The following FNTB variants were observed in gnomAD, a reference collection of about 807,000 sequenced individuals.
FNTB encodes farnesyltransferase, CAAX box, subunit beta, also known as protein farnesyltransferase subunit beta.
A neutral mutation model predicts 59.4 loss-of-function variants in FNTB; 27 were observed. The ratio of observed to expected loss-of-function variants is 0.45; its 90% CI spans 0.34 to 0.63. FNTB has a LOEUF of 0.63. Ranked by LOEUF, FNTB falls within the 20% of genes least tolerant of loss-of-function variation. The pLI is 0.02. For missense variants in FNTB, 449 were observed against 559.6 expected, an observed-to-expected ratio of 0.80 and a Z score of 1.99; for synonymous variants, 230 against 220.7, an observed-to-expected ratio of 1.04 and a Z score of -0.37.
In FNTB at chr14:65,023,241, T is replaced by A. The variant is rs1388502970; in HGVS notation, c.375-4212T>A. 6.6e-6 allele frequency among the ~76,000 whole-genome samples: 1 copy of A among 152,118 alleles called. No homozygotes were observed. The highest frequency in any genetic ancestry group is 1.5e-5 in the Non-Finnish European group (1 of 68,024). On this transcript the variant is annotated intron_variant, in intron 4 of 11. Transcript: ENST00000246166. The surrounding 1 kb of genome is among the most constrained non-coding windows in gnomAD (Gnocchi z 4.1). Reference sequence around the variant, plus strand: ...GCCTGGTTAATTTTTATAATTCTTGTAGAGATGGGGTTTTGCCATGTTGCC... The same window carrying A: ...GCCTGGTTAATTTTTATAATTCTTGAAGAGATGGGGTTTTGCCATGTTGCC...
At chr14:65,021,636 G>A (rs1382162301) in intron 4 of FNTB, among the ~76,000 whole-genome samples, 1 of 152,088 alleles carries the variant, frequency 6.6e-6, no homozygotes, top group African/African-American at 2.4e-5. Context: ...GAGAAACTCT[G>A]CTCTAAAGTA....
intron 9 of FNTB, among the ~76,000 whole-genome samples, chr14:65,050,824 C>T (rs78214297): frequency 0.05 from 7,601 of 152,222 alleles, 640 homozygotes; most frequent in African/African-American, 0.17. Context: ...TCCCTTTAAC[C>T]GAATAATTCC....
Position 65,037,403 on chromosome 14 carries a change from C to CTTTTTTT in FNTB, c.693-3350_693-3344dup, listed in dbSNP as rs1555335876. Among the ~76,000 whole-genome samples the CTTTTTTT allele has an allele frequency of 1.9e-3, 56 of 29,672 alleles. 8 individuals are homozygous for CTTTTTTT. The highest frequency in any genetic ancestry group is 5.1e-3 in the Admixed American group (12 of 2,372). The allele number at this position is 29,672 out of a possible 152,430, so 19.5% of individuals were successfully genotyped here. A position where few individuals can be genotyped will look rare whatever the true frequency, so the allele number is the denominator to read the frequency against. The stretch of plus-strand genomic sequence containing the variant: ...TAGGCGTGAGCCACCACGCCGGGCC[C>CTTTTTTT]TTTTTTTTTTTTTTTTTTTTTTTTT... On this transcript the variant is annotated intron_variant, in intron 7 of 11. Coordinates refer to ENST00000246166, the MANE Select transcript of FNTB (RefSeq NM_002028.4).
At chr14:64,988,988 G>C (rs762480964) in intron 1 of FNTB, among the ~76,000 whole-genome samples, 1 of 151,968 alleles carries the variant, frequency 6.6e-6, no homozygotes, top group Non-Finnish European at 1.5e-5. Flanking sequence ...CACTTTTTAT[G>C]GATGAGAAGA....
Position 65,027,307 on chromosome 14 carries a change from G to T in FNTB, c.375-146G>T. 1.6e-6 allele frequency: 2 copies of T among 1,280,898 alleles called. No homozygotes were observed. Among genetic ancestry groups the T allele is most frequent in the South Asian group, 1.4e-5 (1 of 71,556 alleles). 79.3% of individuals were successfully genotyped at this position (1,280,898 alleles called of 1,614,324 possible). The stretch of plus-strand genomic sequence containing the variant: ...AGAGAATTAAGCCCTTTGGGGAGAG[G>T]TTATATTCAACAAGTGGGAGGAGAG... On this transcript the variant is annotated intron_variant, in intron 4 of 11. Coordinates refer to ENST00000246166, the MANE Select transcript of FNTB (RefSeq NM_002028.4). This position sits in a 1 kb window ranked among gnomAD's most constrained non-coding sequence, Gnocchi z 5.7.
rs976546802 is a variant in FNTB at position 65,014,422 on chromosome 14, G to A, written c.283-1203G>A. Reference sequence around the variant, plus strand: ...AGCATTTCTCCAGGTATATGTACACGTGTTGGTTCCAGAAAGACATGAGGT... The same window carrying A: ...AGCATTTCTCCAGGTATATGTACACATGTTGGTTCCAGAAAGACATGAGGT... On this transcript the variant is annotated intron_variant, in intron 3 of 11. Transcript: ENST00000246166. The surrounding 1 kb of genome is among the most constrained non-coding windows in gnomAD (Gnocchi z 5.1). Among the ~76,000 whole-genome samples the A allele has an allele frequency of 2.6e-5, 4 of 152,082 alleles. No individual in the cohort carries two copies. Among genetic ancestry groups the A allele is most frequent in the African/African-American group, 7.2e-5 (3 of 41,406 alleles).
intron 1 of FNTB, among the ~76,000 whole-genome samples, chr14:64,999,953 G>A (rs181608313): frequency 1.1e-4 from 17 of 152,262 alleles, no homozygotes; most frequent in African/African-American, 3.9e-4. Context: ...CCATGTTTTT[G>A]TCAGGTGTCT....
Position 65,054,455 on chromosome 14 carries a change from G to C in FNTB, c.1068-120G>C. 9.8e-7 allele frequency: 1 copy of C among 1,016,838 alleles called. No homozygotes were observed. The allele number at this position is 1,016,838 out of a possible 1,614,324, so 63.0% of individuals were successfully genotyped here. On this transcript the variant is annotated intron_variant, in intron 10 of 11. Coordinates refer to ENST00000246166, the MANE Select transcript of FNTB (RefSeq NM_002028.4). The surrounding 1 kb of genome is among the most constrained non-coding windows in gnomAD (Gnocchi z 4.4). ...TGCTGGGAAAACCATGCCTCCTCTA[G>C]CCACATGGAGGATGGGGGGGGACGT...
chr14:65,042,967 C>G (rs2062385331), intron 8 of FNTB, among the ~76,000 whole-genome samples: 1 of 152,198 alleles, frequency 6.6e-6, no homozygotes, highest in Admixed American at 6.5e-5. Context: ...CTGTGACTCT[C>G]TATGGGCAGG....
Position 65,031,979 on chromosome 14 carries a change from C to CGTGTGTGTGTGTGTGTGTGTGTGTGT in FNTB, c.606-616_606-591dup, listed in dbSNP as rs563468928. Among the ~76,000 whole-genome samples the CGTGTGTGTGTGTGTGTGTGTGTGTGT allele has an allele frequency of 4.9e-4, 69 of 141,286 alleles. No homozygotes were observed. Among genetic ancestry groups the CGTGTGTGTGTGTGTGTGTGTGTGTGT allele is most frequent in the African/African-American group, 1.7e-3 (63 of 37,888 alleles). 92.7% of individuals were successfully genotyped at this position (141,286 alleles called of 152,430 possible). On this transcript the variant is annotated intron_variant, in intron 6 of 11. Transcript: ENST00000246166. This position sits in a 1 kb window ranked among gnomAD's most constrained non-coding sequence, Gnocchi z 4.6. ...ATAGACGTGCGCCTTTTTCATTTAA[C>CGTGTGTGTGTGTGTGTGTGTGTGTGT]GTGTGTGTGTGTGTGTGTGTGTGTG...
chr14:65,004,278 C>T lies in FNTB; in HGVS notation c.174C>T (p.Val58=). The T allele has an allele frequency of 3.1e-6, 5 of 1,613,352 alleles. No homozygotes were observed. The South Asian group carries it at 4.4e-5, about 14-fold the overall frequency. The change falls in exon 2 of 12, where the codon GTC becomes GTT. Residue 58 remains valine, a synonymous_variant. Coordinates refer to ENST00000246166, the MANE Select transcript of FNTB (RefSeq NM_002028.4). The part of the protein sequence containing the change: ...QAKVEEKIQE[V]FSSYKFNHLV... Reference sequence around the variant, plus strand: ...AAGTAGAAGAAAAGATCCAAGAGGTCTTCAGTTCTTACAAGTTCAACCACC... The same window carrying T: ...AAGTAGAAGAAAAGATCCAAGAGGTTTTCAGTTCTTACAAGTTCAACCACC...
intron 2 of FNTB, among the ~76,000 whole-genome samples, chr14:65,005,499 T>TTCTTTC (rs2061570606): frequency 7.6e-6 from 1 of 130,926 alleles, no homozygotes; most frequent in East Asian, 3.2e-4. Flanking sequence ...CTTTCTTTCT[T>TTCTTTC]TCTTTCTTTC....
chr14:65,054,533 C>T lies in FNTB; in HGVS notation c.1068-42C>T, dbSNP rs552903310. ...GTGTGGCTACATTTGTAGATGTGTGCGGAGCAGAGGAGCGCCTGCTCAGAG... is the reference window on the plus strand; with the variant it reads ...GTGTGGCTACATTTGTAGATGTGTGTGGAGCAGAGGAGCGCCTGCTCAGAG... On this transcript the variant is annotated intron_variant, in intron 10 of 11. Coordinates refer to ENST00000246166, the MANE Select transcript of FNTB (RefSeq NM_002028.4). The surrounding 1 kb of genome is among the most constrained non-coding windows in gnomAD (Gnocchi z 4.4). 1.2e-5 allele frequency: 19 copies of T among 1,578,008 alleles called. No individual in the cohort carries two copies. The highest frequency in any genetic ancestry group is 9.3e-5 in the East Asian group (4 of 43,194).
chr14:65,042,461 G>A (rs768938961), intron 8 of FNTB, among the ~76,000 whole-genome samples: 2 of 152,112 alleles, frequency 1.3e-5, no homozygotes, highest in African/African-American at 2.4e-5. Context: ...TAGGGTTTGC[G>A]CTCCTATGAG....
chr14:65,048,262 C>T (rs906901346), intron 9 of FNTB, among the ~76,000 whole-genome samples: 9 of 151,144 alleles, frequency 6.0e-5, no homozygotes, highest in East Asian at 3.9e-4. Flanking sequence ...AGATTACAGG[C>T]GTGAGCCACC....
intron 4 of FNTB, among the ~76,000 whole-genome samples, chr14:65,020,962 T>C (rs2061875609): frequency 6.6e-6 from 1 of 151,984 alleles, no homozygotes; most frequent in African/African-American, 2.4e-5. Flanking sequence ...ACTCCTGACC[T>C]CAGGTGATAC....
intron 4 of FNTB, among the ~76,000 whole-genome samples, chr14:65,018,809 T>TAAAAA (rs34066098): frequency 9.2e-6 from 1 of 108,434 alleles, no homozygotes; most frequent in Non-Finnish European, 1.8e-5. Flanking sequence ...GACTCTGTCT[T>TAAAAA]AAAAAAAAAA....
chr14:65,053,618 CT>C (rs1272608271), intron 10 of FNTB, among the ~76,000 whole-genome samples: 26 of 140,550 alleles, frequency 1.8e-4, no homozygotes, highest in Non-Finnish European at 1.5e-4. Flanking sequence ...GATAACTCTT[CT>C]TTTTTTTAAA....
At chr14:65,050,443 T>C (rs2062580938) in intron 9 of FNTB, among the ~76,000 whole-genome samples, 1 of 152,038 alleles carries the variant, frequency 6.6e-6, no homozygotes, top group Non-Finnish European at 1.5e-5. Context: ...ATGCAAAAAT[T>C]AGCCAGGCGT....
Sources: allele counts gnomAD v4.1 joint callset (sites outside exome capture counted in the v4.1 genomes callset), GRCh38; gene constraint gnomAD v4.1.1; non-coding constraint Gnocchi (gnomAD v3.1); transcripts MANE v1.5; gene names NCBI Gene and HGNC (gene_info 2026-07-23, HGNC 2026-07-21).